The following ROBO2 variants were observed in gnomAD, a reference collection of about 807,000 sequenced individuals.
ROBO2 encodes the protein roundabout guidance receptor 2, also known as roundabout homolog 2.
ROBO2 carries 53 observed loss-of-function variants against 160.8 expected under a neutral mutation model. That is an observed-to-expected ratio of 0.33 (90% CI 0.26 to 0.41). The LOEUF (loss-of-function observed/expected upper bound fraction) is 0.41. ROBO2 is among the 10% of genes least tolerant of loss of function. The pLI is 1.00. For missense variants in ROBO2, 1,577 were observed against 1,722.4 expected (o/e 0.92, Z 1.49); for synonymous variants, 664 against 611.7 (o/e 1.09, Z -1.26).
At chr3:76,484,830 AAGG>A (rs1400161354) in intron 2 of ROBO2, among the ~76,000 whole-genome samples, 4 of 152,170 alleles carry the variant, frequency 2.6e-5, no homozygotes, top group African/African-American at 7.2e-5. Context: ...AAAAGAATAA[AAGG>A]AGAATTTTCT....
At chr3:76,953,462 A>C (rs944134777) in intron 2 of ROBO2, among the ~76,000 whole-genome samples, 3 of 152,122 alleles carry the variant, frequency 2.0e-5, no homozygotes, top group Admixed American at 2.0e-4. Context: ...TTGAACTCAA[A>C]CTTAATTTTA....
intron 2 of ROBO2, among the ~76,000 whole-genome samples, chr3:76,376,883 C>T (rs541121494): frequency 1.7e-4 from 26 of 152,140 alleles, no homozygotes; most frequent in Middle Eastern, 3.4e-3. Context: ...GAAACGGTTC[C>T]AGGGTTTAGG....
At position 77,041,630 on chromosome 3, in the gene ROBO2, C is replaced by G. The variant is rs114686624; in HGVS notation, c.61+784C>G. Among the ~76,000 whole-genome samples the G allele has an allele frequency of 8.9e-3, 1,351 of 152,292 alleles. 7 individuals are homozygous for G. Among genetic ancestry groups the G allele is most frequent in the Non-Finnish European group, 0.015 (989 of 68,024 alleles). On this transcript the variant is annotated intron_variant, in intron 1 of 25. Coordinates refer to ENST00000461745, the Ensembl canonical transcript of ROBO2. ...CACAGGATGTCAATTTCTTGTGCGA[C>G]TATTGCAAAATCCTTTTTTGTGGTT...
chr3:77,488,674 T>C (rs981515245), intron 4 of ROBO2, among the ~76,000 whole-genome samples: 4 of 152,194 alleles, frequency 2.6e-5, no homozygotes, highest in Admixed American at 1.3e-4. Flanking sequence ...TTTTTGGAGA[T>C]GATTTTGAGT....
At chr3:76,291,136 C>T (rs1327134915) in intron 2 of ROBO2, among the ~76,000 whole-genome samples, 1 of 152,104 alleles carries the variant, frequency 6.6e-6, no homozygotes, top group Non-Finnish European at 1.5e-5. Context: ...CTTCTTTATA[C>T]AATGGGTAGA....
intron 2 of ROBO2, among the ~76,000 whole-genome samples, chr3:76,115,650 C>A (rs1197288386): frequency 6.6e-6 from 1 of 152,058 alleles, no homozygotes; most frequent in African/African-American, 2.4e-5. Flanking sequence ...GTATATCTAG[C>A]ATTGTTAGGA....
rs527673745 is a variant in ROBO2 at position 76,394,225 on chromosome 3, T to C, written c.109+456623T>C. On this transcript the variant is annotated intron_variant, in intron 2 of 26. Transcript: ENST00000487694. ...TGATGCAGTTTCTTCCTAGTCTCAATGGTCTTTACATTTTGTCATGATTTT... is the reference window on the plus strand; with the variant it reads ...TGATGCAGTTTCTTCCTAGTCTCAACGGTCTTTACATTTTGTCATGATTTT... 8.5e-5 allele frequency among the ~76,000 whole-genome samples: 13 copies of C among 152,324 alleles called. No individual in the cohort carries two copies. The South Asian group carries it at 2.7e-3, about 32-fold the overall frequency.
intron 2 of ROBO2, among the ~76,000 whole-genome samples, chr3:76,973,126 T>C (rs2059650953): frequency 6.6e-6 from 1 of 152,160 alleles, no homozygotes; most frequent in South Asian, 2.1e-4. Context: ...AGAAGGAAGA[T>C]AAGCTGAGAC....
At chr3:77,585,551 CAA>C (rs2094024040) in intron 16 of ROBO2, among the ~76,000 whole-genome samples, 1 of 151,758 alleles carries the variant, frequency 6.6e-6, no homozygotes, top group Non-Finnish European at 1.5e-5. Context: ...ATCTTTTGTT[CAA>C]ATAGTTGGAA....
intron 2 of ROBO2, among the ~76,000 whole-genome samples, chr3:76,098,714 T>C (rs1460902354): frequency 2.6e-5 from 4 of 152,132 alleles, no homozygotes; most frequent in Non-Finnish European, 5.9e-5. Context: ...CTTAACAAAG[T>C]AAACATTATG....
chr3:76,128,910 T>G (rs2071111164), intron 2 of ROBO2, among the ~76,000 whole-genome samples: 1 of 152,140 alleles, frequency 6.6e-6, no homozygotes, highest in African/African-American at 2.4e-5. Flanking sequence ...ACTCCTGAGT[T>G]TGCGTATAGA....
At chr3:76,109,009 T>A (rs765145070) in intron 2 of ROBO2, among the ~76,000 whole-genome samples, 5 of 151,948 alleles carry the variant, frequency 3.3e-5, no homozygotes, top group Non-Finnish European at 2.9e-5. Flanking sequence ...TTTCTCTGTA[T>A]CTTTTTTCGC....
intron 4 of ROBO2, among the ~76,000 whole-genome samples, chr3:77,492,958 G>A (rs1486265916): frequency 6.6e-6 from 1 of 151,848 alleles, no homozygotes; most frequent in Non-Finnish European, 1.5e-5. Context: ...TTTATGATAG[G>A]ATCCACCTGA....
At chr3:76,340,112 A>AT (rs2074132010) in intron 2 of ROBO2, among the ~76,000 whole-genome samples, 1 of 152,012 alleles carries the variant, frequency 6.6e-6, no homozygotes, top group African/African-American at 2.4e-5. Flanking sequence ...GAAAATTAAG[A>AT]TTATATATCA....
intron 2 of ROBO2, among the ~76,000 whole-genome samples, chr3:76,074,644 ATATGT>A (rs2107985052): frequency 6.6e-6 from 1 of 152,360 alleles, no homozygotes; most frequent in South Asian, 2.1e-4. Flanking sequence ...AGATGGATCC[ATATGT>A]TAGGTTAAAT....
In ROBO2 at chr3:76,960,188, C is replaced by CA. The variant is rs1481236753; in HGVS notation, c.110-137822dup. On this transcript the variant is annotated intron_variant, in intron 2 of 26. Transcript: ENST00000487694. ...GAGGTTAAGATGCAAAATCTTCACA[C>CA]AAAATCCCAAATAAGATTTGTGTAG... Among the ~76,000 whole-genome samples the CA allele has an allele frequency of 2.0e-5, 3 of 152,046 alleles. No individual in the cohort carries two copies. The East Asian group carries it at 5.8e-4, about 29-fold the overall frequency.
At chr3:76,138,237 C>T (rs1230707732) in intron 2 of ROBO2, among the ~76,000 whole-genome samples, 1 of 151,792 alleles carries the variant, frequency 6.6e-6, no homozygotes, top group Admixed American at 6.6e-5. Flanking sequence ...TAGAGAAAAG[C>T]ACTTTTATGT....
At chr3:77,209,480 C>G (rs1027925016) in intron 2 of ROBO2, among the ~76,000 whole-genome samples, 1 of 152,060 alleles carries the variant, frequency 6.6e-6, no homozygotes, top group East Asian at 1.9e-4. Flanking sequence ...ATTCATTAGG[C>G]ACACACTCCA....
chr3:76,059,130 G>A (rs1401272937), intron 2 of ROBO2, among the ~76,000 whole-genome samples: 4 of 151,650 alleles, frequency 2.6e-5, no homozygotes, highest in Admixed American at 2.0e-4. Flanking sequence ...GTGTCTTTAT[G>A]GCAGCATGAT....
Sources: gnomAD v4.1 joint callset for allele counts (sites outside exome capture counted in the v4.1 genomes callset) on GRCh38, gnomAD v4.1.1 for gene constraint, MANE v1.5 for transcripts, NCBI Gene and HGNC (gene_info 2026-07-23, HGNC 2026-07-21) for gene names.